Variants in SSX2IP observed in about 807,000 individuals in gnomAD.
SSX2IP encodes the protein SSX family member 2 interacting protein.
SSX2IP carries 55 observed loss-of-function variants against 84.9 expected under a neutral mutation model. The ratio of observed to expected loss-of-function variants is 0.65; its 90% CI spans 0.52 to 0.81. SSX2IP has a LOEUF of 0.81. Ranked by LOEUF, SSX2IP falls within the 30% of genes least tolerant of loss-of-function variation. The pLI is 0.00. For missense variants in SSX2IP, 664 were observed against 705.2 expected (o/e 0.94, Z 0.66); for synonymous variants, 239 against 234.7 (o/e 1.02, Z -0.17).
Position 84,669,783 on chromosome 1 carries a change from C to G in SSX2IP, c.324G>C (p.Val108=). The change falls in exon 4 of 14, where the codon GTG becomes GTC. Residue 108 remains valine (V), a synonymous_variant. Coordinates refer to ENST00000342203, the MANE Select transcript of SSX2IP (RefSeq NM_001166293.2). ...GAGCTAGAAGGTTCTTCCGCTGAAG[C>G]ACAAGCAGCTCATTCATACAATTTA... is the stretch of plus-strand genomic sequence containing the variant. ...AVLNCMNELL[V]LQRKNLLAQE... The G allele has an allele frequency of 6.2e-7, 1 of 1,613,796 alleles. No individual in the cohort carries two copies. The highest frequency in any genetic ancestry group is 1.3e-5 in the African/African-American group (1 of 75,046).
intron 1 of SSX2IP, among the ~76,000 whole-genome samples, chr1:84,682,715 A>G (rs1194836076): frequency 1.3e-5 from 2 of 151,896 alleles, no homozygotes; most frequent in East Asian, 1.9e-4. Flanking sequence ...TGTTGGCCAG[A>G]CTGGTCTCGA....
chr1:84,678,342 G>A (rs1654649884), intron 1 of SSX2IP, among the ~76,000 whole-genome samples: 1 of 152,148 alleles, frequency 6.6e-6, no homozygotes, highest in South Asian at 2.1e-4. Context: ...TTCAGCCTCT[G>A]TGCCTCCACC....
At chr1:84,671,365 A>G in intron 1 of SSX2IP, 57 bp from the exon 2 acceptor site, 1 of 1,373,286 alleles carries the variant, frequency 7.3e-7, no homozygotes, top group Non-Finnish European at 9.5e-7. Context: ...AAGCCAATAT[A>G]AACCCAATGC....
rs752413090 is a variant in SSX2IP, at chr1:84,664,478, T to G, written c.612A>C (p.Glu204Asp). ...GTAGACGTTCCTTCAGTTTATTATATTCACGCTCTTTTCTCTTCATATCAT... is the reference window on the plus strand; with the variant it reads ...GTAGACGTTCCTTCAGTTTATTATAGTCACGCTCTTTTCTCTTCATATCAT... ...YNHDMKRKER[E>D]YNKLKERLHQ... Residue 204 changes from glutamate to aspartate, a missense_variant, in exon 6 of 14, where the codon GAA becomes GAC. Physicochemically the swap from Glu to Asp is conservative, Grantham distance 45. Coordinates refer to ENST00000342203, the MANE Select transcript of SSX2IP (RefSeq NM_001166293.2). 2 of 1,604,540 alleles carry G rather than the reference T, an allele frequency of 1.2e-6. No individual in the cohort carries two copies. The highest frequency in any genetic ancestry group is 4.5e-5 in the East Asian group (2 of 44,156).
At chr1:84,652,026 T>A in intron 11 of SSX2IP, 29 bp from the exon 12 acceptor site, 1 of 1,519,724 alleles carries the variant, frequency 6.6e-7, no homozygotes, top group Non-Finnish European at 9.1e-7. Context: ...GAAATAATGA[T>A]CAATATTTCA....
chr1:84,655,308 A>C, intron 11 of SSX2IP: 1 of 852,182 alleles, frequency 1.2e-6, no homozygotes, highest in South Asian at 3.1e-5. Flanking sequence ...AGTTTTGTTG[A>C]TTTTTTTTTT....
At chr1:84,653,899 C>G (rs1650700723) in intron 11 of SSX2IP, among the ~76,000 whole-genome samples, 1 of 151,834 alleles carries the variant, frequency 6.6e-6, no homozygotes, top group Non-Finnish European at 1.5e-5. Context: ...CTGTAAAATA[C>G]CATCATGCTA....
rs771440332 is a variant in SSX2IP, at chr1:84,650,521, T to A, written c.1511A>T (p.Asp504Val). 1.1e-5 allele frequency: 17 copies of A among 1,613,980 alleles called. No individual in the cohort carries two copies. The South Asian group carries it at 1.1e-4, about 10-fold the overall frequency. The change falls in exon 13 of 14, where the codon GAT becomes GTT. Residue 504 changes from aspartate to valine, a missense_variant. Transcript: ENST00000342203. ...KLFSAFSGSS[D>V]WDNLIVHSRQ... Reference sequence around the variant, plus strand: ...CGAGTGCACTATAAGATTGTCCCAATCAGAACCTGTTGTAAAACAAGTAAG... The same window carrying A: ...CGAGTGCACTATAAGATTGTCCCAAACAGAACCTGTTGTAAAACAAGTAAG...
At chr1:84,660,752 C>A (rs1651829194) in intron 8 of SSX2IP, among the ~76,000 whole-genome samples, 1 of 150,018 alleles carries the variant, frequency 6.7e-6, no homozygotes, top group Admixed American at 6.6e-5. Flanking sequence ...GCAACAAGAG[C>A]AAAACTCTCT....
chr1:84,656,554 C>T, intron 9 of SSX2IP, 70 bp from the exon 10 acceptor site: 1 of 1,347,872 alleles, frequency 7.4e-7, no homozygotes. Context: ...TTGCACATAT[C>T]TTTAAAACAA....
chr1:84,687,476 G>C (rs1425098350), intron 1 of SSX2IP, among the ~76,000 whole-genome samples: 2 of 152,166 alleles, frequency 1.3e-5, no homozygotes, highest in Non-Finnish European at 2.9e-5. Context: ...TGAACTGCAG[G>C]TTGCTTGAAA....
Position 84,644,931 on chromosome 1 carries a change from TA to T in SSX2IP, c.*2501del, listed in dbSNP as rs1246499401. The T allele has an allele frequency of 2.6e-5, 4 of 152,264 alleles. No individual in the cohort carries two copies. Among genetic ancestry groups the T allele is most frequent in the Non-Finnish European group, 4.4e-5 (3 of 68,048 alleles). 9.4% of individuals were successfully genotyped at this position (152,264 alleles called of 1,614,324 possible). A position where few individuals can be genotyped will look rare whatever the true frequency, so the allele number is the denominator to read the frequency against. On this transcript the variant is annotated 3_prime_UTR_variant, in exon 14 of 14. Coordinates refer to ENST00000342203, the MANE Select transcript of SSX2IP (RefSeq NM_001166293.2). ...AATACTATTTGTTAAATTTTAGTCA[TA>T]ATTTCATTGTTTCTCATCATAGACT...
intron 12 of SSX2IP, 72 bp from the exon 13 acceptor site, chr1:84,650,599 C>A: frequency 6.6e-7 from 1 of 1,507,066 alleles, no homozygotes; most frequent in South Asian, 1.2e-5. Flanking sequence ...GGTAAATCAT[C>A]AGGATGATTC....
chr1:84,675,360 A>G (rs571912635), intron 1 of SSX2IP, among the ~76,000 whole-genome samples: 1 of 152,334 alleles, frequency 6.6e-6, no homozygotes, highest in Non-Finnish European at 1.5e-5. Flanking sequence ...GTAATGTGTA[A>G]CCTAAAATTC....
intron 4 of SSX2IP, 60 bp downstream of exon 4, chr1:84,669,621 A>C (rs1653249717): frequency 2.2e-6 from 3 of 1,363,248 alleles, no homozygotes; most frequent in Non-Finnish European, 3.1e-6. Context: ...AAAGTCAGTA[A>C]AAATTTATAG....
chr1:84,662,760 A>C (rs1390025166), intron 6 of SSX2IP, among the ~76,000 whole-genome samples: 2 of 152,174 alleles, frequency 1.3e-5, no homozygotes, highest in Non-Finnish European at 2.9e-5. Flanking sequence ...GGAATAACAA[A>C]AGTATCTACC....
intron 1 of SSX2IP, among the ~76,000 whole-genome samples, chr1:84,685,564 C>A (rs1307712009): frequency 1.3e-5 from 2 of 152,214 alleles, no homozygotes; most frequent in East Asian, 3.8e-4. Context: ...AGGTAACTTA[C>A]AGTTACAAAC....
At chr1:84,658,122 C>A (rs1416690375) in intron 9 of SSX2IP, 196 bp downstream of exon 9, 1 of 575,474 alleles carries the variant, frequency 1.7e-6, no homozygotes. Context: ...GGTGACCGAG[C>A]AAGGTTCTGT....
rs1309735956 is a variant in SSX2IP, at chr1:84,656,405, G to A, written c.1158C>T (p.Leu386=). 7 of 1,613,262 alleles carry A rather than the reference G, an allele frequency of 4.3e-6. No homozygotes were observed. Among genetic ancestry groups the A allele is most frequent in the Non-Finnish European group, 5.9e-6 (7 of 1,179,640 alleles). ...RQDHEQETEK[L]ELEIQQCKEM... Reference sequence around the variant, plus strand: ...CTTTACACTGCTGAATTTCTAACTCGAGTTTTTCAGTTTCTTGTTCATGGT... The same window carrying A: ...CTTTACACTGCTGAATTTCTAACTCAAGTTTTTCAGTTTCTTGTTCATGGT... The change falls in exon 10 of 14, where the codon CTC becomes CTT. Residue 386 remains leucine, a synonymous_variant. Transcript: ENST00000342203.
Sources: allele counts gnomAD v4.1 joint callset (sites outside exome capture counted in the v4.1 genomes callset), GRCh38; gene constraint gnomAD v4.1.1; transcripts MANE v1.5; gene names NCBI Gene and HGNC (gene_info 2026-07-23, HGNC 2026-07-21).